Variants in CACNA1E observed in about 807,000 individuals in gnomAD.
CACNA1E encodes the protein calcium voltage-gated channel subunit alpha1 E.
Under a neutral mutation model 259.2 loss-of-function variants are expected in CACNA1E, and 40 were observed. The observed-to-expected ratio is 0.15, with a 90% CI of 0.12 to 0.20. The LOEUF (loss-of-function observed/expected upper bound fraction) is 0.20. Ranked by LOEUF, CACNA1E falls within the 10% of genes least tolerant of loss-of-function variation. The pLI, the probability that CACNA1E is intolerant of heterozygous loss-of-function variation, is 1.00. For synonymous variants in CACNA1E, 1,104 were observed against 1,138.5 expected, an observed-to-expected ratio of 0.97 and a Z score of 0.61; for missense variants, 1,874 against 3,040.1, an observed-to-expected ratio of 0.62 and a Z score of 9.02.
chr1:181,552,781 C>G (rs905807750), intron 3 of CACNA1E, among the ~76,000 whole-genome samples: 9 of 152,188 alleles, frequency 5.9e-5, no homozygotes, highest in Non-Finnish European at 7.3e-5. Flanking sequence ...GCCCCCACCC[C>G]CTAACAGGCC....
intron 1 of CACNA1E, among the ~76,000 whole-genome samples, chr1:181,341,551 C>T (rs760474468): frequency 1.3e-5 from 2 of 152,192 alleles, no homozygotes; most frequent in Non-Finnish European, 2.9e-5. Context: ...CCCAGGGAAC[C>T]TTCTCCTGGG....
chr1:181,591,955 A>C (rs1572312603), intron 6 of CACNA1E, among the ~76,000 whole-genome samples: 1 of 152,302 alleles, frequency 6.6e-6, no homozygotes, highest in South Asian at 2.1e-4. Context: ...CACTGTATAA[A>C]CCTGCTCCTC....
intron 1 of CACNA1E, among the ~76,000 whole-genome samples, chr1:181,383,329 C>G (rs1655603074): frequency 6.6e-6 from 1 of 152,210 alleles, no homozygotes; most frequent in East Asian, 1.9e-4. Flanking sequence ...AGGTCAAATA[C>G]ATCCTTTGGA....
At chr1:181,396,109 A>G (rs1441894849) in intron 1 of CACNA1E, among the ~76,000 whole-genome samples, 1 of 152,104 alleles carries the variant, frequency 6.6e-6, no homozygotes, top group African/African-American at 2.4e-5. Context: ...AGTTCTTGGC[A>G]CCCTATTTCC....
At chr1:181,692,322 TA>T (rs1428370033) in intron 7 of CACNA1E, among the ~76,000 whole-genome samples, 1 of 152,030 alleles carries the variant, frequency 6.6e-6, no homozygotes, top group Non-Finnish European at 1.5e-5. Flanking sequence ...TACATGGAGC[TA>T]AAAAAGGGCC....
intron 2 of CACNA1E, among the ~76,000 whole-genome samples, chr1:181,417,336 T>C (rs894444945): frequency 6.6e-6 from 1 of 152,202 alleles, no homozygotes; most frequent in Non-Finnish European, 1.5e-5. Context: ...TTCTACCAAC[T>C]TCTAAGATAG....
At chr1:181,720,527 G>T (rs1033500213) in intron 14 of CACNA1E, among the ~76,000 whole-genome samples, 190 bp downstream of exon 14, 1 of 152,210 alleles carries the variant, frequency 6.6e-6, no homozygotes, top group South Asian at 2.1e-4. Flanking sequence ...GCTGTACAGG[G>T]TTCTCATTCC....
At chr1:181,411,065 C>T (rs1657806409) in intron 1 of CACNA1E, among the ~76,000 whole-genome samples, 1 of 152,118 alleles carries the variant, frequency 6.6e-6, no homozygotes, top group African/African-American at 2.4e-5. Flanking sequence ...TCTTAGATGC[C>T]ACCTGTGGTC....
At chr1:181,655,614 GAAGA>G in intron 7 of CACNA1E, among the ~76,000 whole-genome samples, 1 of 152,246 alleles carries the variant, frequency 6.6e-6, no homozygotes, top group South Asian at 2.1e-4. Context: ...GGAAGTAATT[GAAGA>G]AAGAGAAGAA....
chr1:181,790,063 T>A (rs1299818262), intron 43 of CACNA1E, among the ~76,000 whole-genome samples: 1 of 152,192 alleles, frequency 6.6e-6, no homozygotes, highest in African/African-American at 2.4e-5. Flanking sequence ...AAAAAGTCCA[T>A]GGCTGCTTAA....
At chr1:181,621,994 A>G (rs985153838) in intron 6 of CACNA1E, among the ~76,000 whole-genome samples, 6 of 152,170 alleles carry the variant, frequency 3.9e-5, no homozygotes, top group African/African-American at 1.4e-4. Context: ...GACATCCAGT[A>G]TGGGGTCTTT....
intron 1 of CACNA1E, among the ~76,000 whole-genome samples, chr1:181,380,844 A>G (rs990492938): frequency 1.3e-5 from 2 of 152,352 alleles, no homozygotes; most frequent in African/African-American, 4.8e-5. Flanking sequence ...CATTTTACCC[A>G]AAATAATTTA....
At chr1:181,532,402 T>G (rs1667851158) in intron 3 of CACNA1E, among the ~76,000 whole-genome samples, 1 of 152,230 alleles carries the variant, frequency 6.6e-6, no homozygotes, top group Non-Finnish European at 1.5e-5. Flanking sequence ...GCCCATATGC[T>G]GGGGCAGCAT....
rs183432892 is a variant in CACNA1E at position 181,782,794 on chromosome 1, G to A, written c.5365-885G>A. The stretch of plus-strand genomic sequence containing the variant: ...AGGGGCTGGCATCCTTTTTGCTCAC[G>A]ATGGCCACATCCAAAAGTACCAGGT... On this transcript the variant is annotated intron_variant, in intron 39 of 47. Transcript: ENST00000367573. Among the ~76,000 whole-genome samples the A allele has an allele frequency of 3.9e-5, 6 of 152,272 alleles. No homozygotes were observed. The East Asian group carries it at 9.6e-4, about 24-fold the overall frequency.
intron 1 of CACNA1E, among the ~76,000 whole-genome samples, chr1:181,403,986 T>C (rs1374722758): frequency 6.6e-6 from 1 of 152,214 alleles, no homozygotes; most frequent in African/African-American, 2.4e-5. Context: ...CACTTCTTTT[T>C]CTAGCCTTCC....
chr1:181,332,463 G>C (rs544018796), intron 1 of CACNA1E, among the ~76,000 whole-genome samples: 113 of 152,288 alleles, frequency 7.4e-4, no homozygotes, highest in African/African-American at 2.7e-3. Context: ...AGTATTCATG[G>C]CTTGTTAAGT....
In CACNA1E at chr1:181,440,983, CAAAAAAAAAAAAAAAAAAA is replaced by C. The variant is rs60257271; in HGVS notation, c.434+27421_434+27439del. 7.0e-3 allele frequency among the ~76,000 whole-genome samples: 268 copies of C among 38,190 alleles called. 4 individuals carry two copies. Among genetic ancestry groups the C allele is most frequent in the African/African-American group, 0.022 (219 of 10,116 alleles). The allele number at this position is 38,190 out of a possible 152,430, so 25.1% of individuals were successfully genotyped here. A position where few individuals can be genotyped will look rare whatever the true frequency, so the allele number is the denominator to read the frequency against. ...GTGAGAGAGCGAGACGACCTTGTTT[CAAAAAAAAAAAAAAAAAAA>C]AAAAAAAAAAAAAAAAAGCGCCCAG... On this transcript the variant is annotated intron_variant, in intron 2 of 11. Coordinates refer to the CACNA1E transcript ENST00000524607.
chr1:181,461,540 CAAAAAAAA>C (rs10607931), intron 2 of CACNA1E, among the ~76,000 whole-genome samples: 1 of 82,046 alleles, frequency 1.2e-5, no homozygotes, highest in African/African-American at 4.5e-5. Flanking sequence ...GACTCCATCT[CAAAAAAAA>C]AAAAAAAAAA....
chr1:181,338,503 ATT>A (rs71121088), intron 1 of CACNA1E, among the ~76,000 whole-genome samples: 47 of 141,500 alleles, frequency 3.3e-4, no homozygotes, highest in Middle Eastern at 3.6e-3. Flanking sequence ...TCATTTACCC[ATT>A]TTTTTTTTTT....
Sources: allele counts gnomAD v4.1 joint callset (sites outside exome capture counted in the v4.1 genomes callset), GRCh38; gene constraint gnomAD v4.1.1; transcripts MANE v1.5; gene names NCBI Gene and HGNC (gene_info 2026-07-23, HGNC 2026-07-21).